TXNRD1: variants seen among roughly 807,000 people sequenced by gnomAD.
TXNRD1 encodes the protein thioredoxin reductase 1, cytoplasmic.
A neutral mutation model predicts 80.3 loss-of-function variants in TXNRD1; 57 were observed. The ratio of observed to expected loss-of-function variants is 0.71; its 90% confidence interval spans 0.57 to 0.89. The LOEUF is 0.89. TXNRD1 is among the 40% of genes least tolerant of loss of function. TXNRD1 has a pLI of 0.00. For synonymous variants in TXNRD1, 291 were observed against 285.2 expected, an observed-to-expected ratio of 1.02 and a Z score of -0.20; for missense variants, 730 against 803.0, an observed-to-expected ratio of 0.91 and a Z score of 1.10.
chr12:104,265,984 T>G (rs1442460721), intron 3 of TXNRD1: 2 of 597,662 alleles, frequency 3.3e-6, no homozygotes, highest in Non-Finnish European at 5.7e-6. Flanking sequence ...GAAATAATAA[T>G]AGGTTTTTAA....
intron 1 of TXNRD1, among the ~76,000 whole-genome samples, chr12:104,247,129 G>A (rs1456331759): frequency 3.9e-5 from 6 of 152,024 alleles, no homozygotes; most frequent in Non-Finnish European, 7.4e-5. Flanking sequence ...GTGCAATGGC[G>A]CAACCTCAGC....
chr12:104,320,384 C>A (rs1273807090), intron 9 of TXNRD1, among the ~76,000 whole-genome samples: 1 of 152,126 alleles, frequency 6.6e-6, no homozygotes, highest in African/African-American at 2.4e-5. Flanking sequence ...GGACAGTAGC[C>A]CCATTCATGA....
chr12:104,268,189 CTTTT>C (rs77321745), intron 3 of TXNRD1, among the ~76,000 whole-genome samples: 47,023 of 149,924 alleles, frequency 0.31, 7,703 homozygotes, highest in East Asian at 0.65. Flanking sequence ...CTCTTTCTTT[CTTTT>C]ATTTTTTATT....
chr12:104,329,664 TAAATA>T (rs981323604), intron 13 of TXNRD1, among the ~76,000 whole-genome samples: 1 of 151,814 alleles, frequency 6.6e-6, no homozygotes, highest in Non-Finnish European at 1.5e-5. Context: ...AAAAAATAAA[TAAATA>T]AAATAAATTC....
intron 3 of TXNRD1, among the ~76,000 whole-genome samples, chr12:104,281,228 T>G (rs2033869438): frequency 6.6e-6 from 1 of 152,214 alleles, no homozygotes; most frequent in African/African-American, 2.4e-5. Context: ...TCATTGATTC[T>G]CTTTCTCTTA....
intron 1 of TXNRD1, among the ~76,000 whole-genome samples, chr12:104,233,523 C>T (rs2032667442): frequency 1.3e-5 from 2 of 151,992 alleles, no homozygotes; most frequent in South Asian, 2.1e-4. Context: ...AGGAGTATAC[C>T]TTACTCATTT....
At chr12:104,287,495 T>C (rs1293845376) in intron 3 of TXNRD1, 1 of 1,605,992 alleles carries the variant, frequency 6.2e-7, no homozygotes, top group Non-Finnish European at 8.5e-7. Context: ...TTGAGTGGAC[T>C]GACAGATCCT....
At chr12:104,269,429 T>C (rs1374713375) in intron 3 of TXNRD1, among the ~76,000 whole-genome samples, 1 of 149,340 alleles carries the variant, frequency 6.7e-6, no homozygotes, top group East Asian at 1.9e-4. Flanking sequence ...AGACAGGGTT[T>C]CACTCTGCCA....
At chr12:104,238,714 T>C (rs1194087282) in intron 1 of TXNRD1, among the ~76,000 whole-genome samples, 3 of 152,258 alleles carry the variant, frequency 2.0e-5, no homozygotes, top group African/African-American at 7.2e-5. Flanking sequence ...AATCAACCTG[T>C]GCAAGGTTTA....
intron 1 of TXNRD1, among the ~76,000 whole-genome samples, chr12:104,236,658 G>A (rs1054621213): frequency 6.6e-6 from 1 of 151,854 alleles, no homozygotes; most frequent in Non-Finnish European, 1.5e-5. Flanking sequence ...GTGTGGTGGT[G>A]CATGCCTGTA....
At position 104,319,470 on chromosome 12, in the gene TXNRD1, G is replaced by A. The variant is rs758378865; in HGVS notation, c.874G>A (p.Ala292Thr). The A allele has an allele frequency of 8.7e-5, 136 of 1,564,996 alleles. No homozygotes were observed. Among genetic ancestry groups the A allele is most frequent in the Admixed American group, 2.3e-4 (12 of 52,628 alleles). ...GGTTTTCATATTGGTTCCTTTGTAG[G>A]CAACAAATAATAAAGGCAAAGAAAA... is the stretch of plus-strand genomic sequence containing the variant. ...GQFIGPHRIKATNNKGKEKIY... is the reference protein window; with the variant it reads ...GQFIGPHRIKTTNNKGKEKIY... The change falls in exon 9 of 17, where the codon GCA (alanine) becomes ACA (threonine). Residue 292 changes from alanine (A) to threonine (T), a missense_variant and splice_region_variant. Transcript: ENST00000525566.
At chr12:104,258,178 G>A (rs2033296635) in intron 3 of TXNRD1, 99 bp downstream of exon 3, 1 of 903,906 alleles carries the variant, frequency 1.1e-6, no homozygotes, top group Non-Finnish European at 1.7e-6. Flanking sequence ...GGTTTTTATT[G>A]TTTAGTGAGC....
At chr12:104,245,279 C>A (rs1230768333) in intron 1 of TXNRD1, among the ~76,000 whole-genome samples, 1 of 150,108 alleles carries the variant, frequency 6.7e-6, no homozygotes, top group Non-Finnish European at 1.5e-5. Context: ...TGGGAGGCTG[C>A]GGCAGGCGGG....
intron 10 of TXNRD1, among the ~76,000 whole-genome samples, chr12:104,323,468 G>C (rs1162073158): frequency 2.1e-5 from 3 of 145,178 alleles, no homozygotes; most frequent in African/African-American, 7.7e-5. Context: ...TCACTTCCCA[G>C]TAGGGGCGGC....
chr12:104,335,978 A>G (rs934310948), intron 15 of TXNRD1, among the ~76,000 whole-genome samples: 1 of 152,250 alleles, frequency 6.6e-6, no homozygotes, highest in Admixed American at 6.5e-5. Context: ...CACAGCTAAC[A>G]TAAATAACAA....
chr12:104,268,411 G>A (rs2033582029), intron 3 of TXNRD1, among the ~76,000 whole-genome samples: 1 of 151,402 alleles, frequency 6.6e-6, no homozygotes, highest in African/African-American at 2.4e-5. Context: ...TGTAGTCCCA[G>A]CTACTCCGGA....
intron 4 of TXNRD1, among the ~76,000 whole-genome samples, chr12:104,305,703 C>G (rs1272227405): frequency 6.6e-6 from 1 of 152,156 alleles, no homozygotes; most frequent in Admixed American, 6.5e-5. Context: ...TATTAATATC[C>G]TGAGAAGATG....
intron 3 of TXNRD1, among the ~76,000 whole-genome samples, chr12:104,264,134 A>G (rs1036280360): frequency 2.0e-5 from 3 of 152,196 alleles, no homozygotes; most frequent in Non-Finnish European, 4.4e-5. Context: ...TTGGGCACCT[A>G]TTTATATGCC....
intron 13 of TXNRD1, 32 bp downstream of exon 13, chr12:104,327,703 T>C: frequency 6.2e-7 from 1 of 1,608,062 alleles, no homozygotes; most frequent in Non-Finnish European, 8.5e-7. Flanking sequence ...CATTAGATAC[T>C]GTTGTCAGTA....
Sources: allele counts gnomAD v4.1 joint callset (sites outside exome capture counted in the v4.1 genomes callset), GRCh38; gene constraint gnomAD v4.1.1; transcripts MANE v1.5; gene names NCBI Gene and HGNC (gene_info 2026-07-23, HGNC 2026-07-21).